The following PLEKHG7 variants were observed in gnomAD, a reference collection of about 807,000 sequenced individuals.
The protein encoded by PLEKHG7 is pleckstrin homology domain-containing family G member 7.
A neutral mutation model predicts 85.2 loss-of-function variants in PLEKHG7; 77 were observed. The observed-to-expected ratio is 0.90, with a 90% CI of 0.75 to 1.09. PLEKHG7 has a LOEUF of 1.09. PLEKHG7 is among the 50% of genes least tolerant of loss of function. PLEKHG7 has a pLI of 0.00. For synonymous variants in PLEKHG7, 301 were observed against 302.4 expected, an observed-to-expected ratio of 1.00 and a Z score of 0.05; for missense variants, 777 against 804.3, an observed-to-expected ratio of 0.97 and a Z score of 0.41.
At chr12:92,750,626 G>A (rs570539261) in intron 10 of PLEKHG7, among the ~76,000 whole-genome samples, 1 of 152,150 alleles carries the variant, frequency 6.6e-6, no homozygotes, top group Non-Finnish European at 1.5e-5. Context: ...TGAGAAATCA[G>A]TTACAAGAAC....
At chr12:92,755,548 G>A (rs1872801221) in intron 11 of PLEKHG7, among the ~76,000 whole-genome samples, 1 of 151,830 alleles carries the variant, frequency 6.6e-6, no homozygotes, top group Non-Finnish European at 1.5e-5. Context: ...AAACTACCAA[G>A]GATTTTATTG....
At chr12:92,704,629 A>G (rs1325060397) in intron 1 of PLEKHG7, among the ~76,000 whole-genome samples, 1 of 152,252 alleles carries the variant, frequency 6.6e-6, no homozygotes, top group Non-Finnish European at 1.5e-5. Context: ...CACAACATTA[A>G]GAATTTTAGA....
chr12:92,716,759 T>G (rs1330774775), intron 3 of PLEKHG7, among the ~76,000 whole-genome samples: 1 of 152,226 alleles, frequency 6.6e-6, no homozygotes, highest in Non-Finnish European at 1.5e-5. Context: ...AACACTATAT[T>G]GTGTTTCTTT....
intron 3 of PLEKHG7, among the ~76,000 whole-genome samples, chr12:92,728,607 A>C (rs1871893865): frequency 6.6e-6 from 1 of 151,840 alleles, no homozygotes; most frequent in African/African-American, 2.4e-5. Context: ...TGGTGTTTAT[A>C]TGTGTGTGTA....
intron 16 of PLEKHG7, 79 bp downstream of exon 16, chr12:92,769,159 A>G: frequency 8.9e-7 from 1 of 1,127,224 alleles, no homozygotes. Flanking sequence ...GTAACAGTGA[A>G]TGGAAAGTTT....
chr12:92,707,170 TTGC>T (rs1376249849), intron 2 of PLEKHG7, 32 bp downstream of exon 2: 2 of 1,582,762 alleles, frequency 1.3e-6, no homozygotes, highest in South Asian at 2.3e-5. Flanking sequence ...GGCCTCTCAG[TTGC>T]TGAACCACAA....
chr12:92,748,696 G>A (rs1872605472), intron 10 of PLEKHG7, among the ~76,000 whole-genome samples: 1 of 152,192 alleles, frequency 6.6e-6, no homozygotes, highest in Non-Finnish European at 1.5e-5. Flanking sequence ...AGGCCACATA[G>A]CCAATAGGTG....
chr12:92,758,777 A>C (rs1232805066), intron 13 of PLEKHG7, among the ~76,000 whole-genome samples: 1 of 152,238 alleles, frequency 6.6e-6, no homozygotes, highest in African/African-American at 2.4e-5. Flanking sequence ...TCTACATGGC[A>C]TCAAGCCAAG....
intron 9 of PLEKHG7, among the ~76,000 whole-genome samples, chr12:92,742,538 AT>A (rs1284563843): frequency 3.9e-5 from 6 of 151,924 alleles, no homozygotes; most frequent in Non-Finnish European, 7.4e-5. Flanking sequence ...TTTAGTGAAC[AT>A]TGAAAATGGG....
At chr12:92,710,249 A>C (rs1871341635) in intron 3 of PLEKHG7, among the ~76,000 whole-genome samples, 2 of 152,314 alleles carry the variant, frequency 1.3e-5, no homozygotes, top group Middle Eastern at 3.4e-3. Context: ...GCCATCCAGA[A>C]AACTTTGTCC....
At chr12:92,767,804 G>C (rs752779335) in intron 15 of PLEKHG7, among the ~76,000 whole-genome samples, 1 of 152,160 alleles carries the variant, frequency 6.6e-6, no homozygotes, top group Non-Finnish European at 1.5e-5. Flanking sequence ...TTAATGATCA[G>C]CAAGAATATG....
In PLEKHG7 at chr12:92,706,637, G is replaced by GA; in HGVS notation, c.10dup (p.Thr4AsnfsTer35). On this transcript the variant is annotated frameshift_variant, in exon 2 of 17. Coordinates refer to ENST00000344636, the MANE Select transcript of PLEKHG7 (RefSeq NM_001377329.1). LOFTEE classifies it high-confidence loss of function. ...CAGTAGAACCTCTTAGCTTTATGGA[G>GA]AAAACAGAGTCATTCTGTCCAGAGG... The GA allele has an allele frequency of 1.9e-6, 3 of 1,605,374 alleles. No individual in the cohort carries two copies. The highest frequency in any genetic ancestry group is 2.6e-6 in the Non-Finnish European group (3 of 1,176,294).
chr12:92,727,715 A>G (rs1379410155), intron 3 of PLEKHG7, among the ~76,000 whole-genome samples: 1 of 151,710 alleles, frequency 6.6e-6, no homozygotes, highest in African/African-American at 2.4e-5. Flanking sequence ...CAGCCTCCCA[A>G]GTGGATGGGA....
chr12:92,748,609 C>T (rs368124883), intron 10 of PLEKHG7, among the ~76,000 whole-genome samples: 4 of 152,252 alleles, frequency 2.6e-5, no homozygotes, highest in Admixed American at 2.6e-4. Context: ...TCTCTTAATT[C>T]GGAACACAAA....
At chr12:92,768,184 G>A (rs1313928264) in intron 15 of PLEKHG7, among the ~76,000 whole-genome samples, 1 of 151,784 alleles carries the variant, frequency 6.6e-6, no homozygotes, top group Non-Finnish European at 1.5e-5. Context: ...TCCAGCCCGG[G>A]CGACAGTGAG....
At chr12:92,763,521 G>C (rs1873095851) in intron 14 of PLEKHG7, among the ~76,000 whole-genome samples, 1 of 152,130 alleles carries the variant, frequency 6.6e-6, no homozygotes. Context: ...TTGGAGATCA[G>C]AAACACTTTG....
At chr12:92,731,549 C>T (rs1338170663) in intron 4 of PLEKHG7, among the ~76,000 whole-genome samples, 1 of 152,174 alleles carries the variant, frequency 6.6e-6, no homozygotes, top group Non-Finnish European at 1.5e-5. Context: ...GGCTAGGTAG[C>T]ATTACAACTT....
chr12:92,753,563 A>G (rs1239484915), intron 10 of PLEKHG7, among the ~76,000 whole-genome samples: 1 of 151,656 alleles, frequency 6.6e-6, no homozygotes, highest in Non-Finnish European at 1.5e-5. Context: ...CCGCATCTCT[A>G]CCTCTCTCCT....
intron 3 of PLEKHG7, among the ~76,000 whole-genome samples, chr12:92,721,712 A>AG (rs1203956409): frequency 6.6e-6 from 1 of 151,000 alleles, no homozygotes; most frequent in Non-Finnish European, 1.5e-5. Context: ...CAAAAAAAAA[A>AG]AAAAAAAAAA....
Sources: allele counts gnomAD v4.1 joint callset (sites outside exome capture counted in the v4.1 genomes callset), GRCh38; gene constraint gnomAD v4.1.1; transcripts MANE v1.5; gene names NCBI Gene and HGNC (gene_info 2026-07-23, HGNC 2026-07-21).